The following LAMC1 variants were observed in gnomAD, a reference collection of about 807,000 sequenced individuals.
The protein encoded by LAMC1 is laminin subunit gamma-1.
In LAMC1, 38 loss-of-function variants were observed where a neutral mutation model predicts 173.6. The ratio of observed to expected loss-of-function variants is 0.22; its 90% CI spans 0.17 to 0.29. The LOEUF is 0.29. Among genes scored for constraint, LAMC1 ranks in the 10% least tolerant of loss-of-function variants. The probability of loss-of-function intolerance (pLI) is 1.00; values close to 1 mark genes in which losing one functional copy is unlikely to be tolerated. For missense variants in LAMC1, 1,824 were observed against 2,051.8 expected, an observed-to-expected ratio of 0.89 and a Z score of 2.14; for synonymous variants, 746 against 749.1, an observed-to-expected ratio of 1.00 and a Z score of 0.07.
At chr1:183,048,517 A>G (rs1654327445) in intron 1 of LAMC1, among the ~76,000 whole-genome samples, 1 of 152,240 alleles carries the variant, frequency 6.6e-6, no homozygotes, top group Non-Finnish European at 1.5e-5. Flanking sequence ...ATAAATAAGT[A>G]CAAATGTCTG....
At chr1:183,054,253 C>A (rs1400322280) in intron 1 of LAMC1, among the ~76,000 whole-genome samples, 2 of 152,166 alleles carry the variant, frequency 1.3e-5, no homozygotes, top group Non-Finnish European at 2.9e-5. Context: ...CTCAGCACAA[C>A]CCAGTGCGGA....
chr1:183,114,224 C>T (rs1479813991), intron 4 of LAMC1, among the ~76,000 whole-genome samples: 2 of 152,166 alleles, frequency 1.3e-5, no homozygotes, highest in African/African-American at 2.4e-5. Context: ...CATCTGCTAC[C>T]ACACCCGGCT....
chr1:183,114,773 G>A (rs945631387), intron 5 of LAMC1, 54 bp downstream of exon 5: 16 of 1,546,112 alleles, frequency 1.0e-5, no homozygotes, highest in Middle Eastern at 2.0e-4. Flanking sequence ...GTGGACCCCC[G>A]GAAAGGAAAG....
At chr1:183,047,774 C>T (rs1388295776) in intron 1 of LAMC1, among the ~76,000 whole-genome samples, 1 of 152,098 alleles carries the variant, frequency 6.6e-6, no homozygotes, top group African/African-American at 2.4e-5. Flanking sequence ...TGCCCAAATC[C>T]TGCCTAACTT....
chr1:183,029,048 T>A (rs1211520962), intron 1 of LAMC1, among the ~76,000 whole-genome samples: 1 of 152,318 alleles, frequency 6.6e-6, no homozygotes, highest in East Asian at 1.9e-4. Flanking sequence ...TCTCAACCGA[T>A]GTTGCCCACG....
rs1654366399 is a variant in LAMC1 at position 183,049,789 on chromosome 1, T to TA, written c.418+25658dup. Among the ~76,000 whole-genome samples, 4 of 151,404 alleles carry TA rather than the reference T, an allele frequency of 2.6e-5. No homozygotes were observed. In the South Asian group the frequency reaches 8.4e-4, roughly 32 times the overall value. On this transcript the variant is annotated intron_variant, in intron 1 of 27. Coordinates refer to ENST00000258341, the MANE Select transcript of LAMC1 (RefSeq NM_002293.4). ...AAAAGTGTCTGTTTTCTTATCTCCT[T>TA]AAATACCATACTCTCCCATTCTCAC...
At chr1:183,037,705 G>C (rs970436348) in intron 1 of LAMC1, among the ~76,000 whole-genome samples, 1 of 151,918 alleles carries the variant, frequency 6.6e-6, no homozygotes, top group African/African-American at 2.4e-5. Flanking sequence ...GAGTGTTGCC[G>C]AGCTAAGGTT....
At chr1:183,131,521 CT>C in intron 20 of LAMC1, 143 bp downstream of exon 20, 1 of 570,876 alleles carries the variant, frequency 1.8e-6, no homozygotes, top group East Asian at 2.8e-5. Context: ...ACACTTTGCT[CT>C]CTTTTCTAAG....
chr1:183,025,432 A>G (rs1653661484), intron 1 of LAMC1, among the ~76,000 whole-genome samples: 1 of 152,248 alleles, frequency 6.6e-6, no homozygotes, highest in Non-Finnish European at 1.5e-5. Context: ...TTGAGTCATT[A>G]AACAAATGAA....
At chr1:183,081,542 C>T (rs934362568) in intron 1 of LAMC1, among the ~76,000 whole-genome samples, 7 of 147,384 alleles carry the variant, frequency 4.7e-5, no homozygotes, top group East Asian at 4.0e-4. Flanking sequence ...AGCGAGACTC[C>T]GCCTCAAAAA....
At chr1:183,091,500 T>G (rs949438774) in intron 1 of LAMC1, among the ~76,000 whole-genome samples, 1 of 152,092 alleles carries the variant, frequency 6.6e-6, no homozygotes, top group African/African-American at 2.4e-5. Flanking sequence ...GCCCTTCCTC[T>G]TCCTCCTTCC....
intron 1 of LAMC1, among the ~76,000 whole-genome samples, chr1:183,095,439 C>CAGAACAAGA (rs1389380417): frequency 6.6e-6 from 1 of 152,194 alleles, no homozygotes; most frequent in Non-Finnish European, 1.5e-5. Context: ...GCTTCCCACA[C>CAGAACAAGA]AATTATGGTG....
Position 183,127,224 on chromosome 1 carries a change from A to G in LAMC1, c.2945-2A>G, listed in dbSNP as rs1198474428. ...ATGTATTATTTTCTCCTTATTCTGC[A>G]GCCTGTGACTGTCATCCTGAGGGAT... is the stretch of plus-strand genomic sequence containing the variant. On this transcript the variant is annotated splice_acceptor_variant, in intron 16 of 27. Coordinates refer to ENST00000258341, the MANE Select transcript of LAMC1 (RefSeq NM_002293.4). LOFTEE classifies it high-confidence loss of function. 6.2e-7 allele frequency: 1 copy of G among 1,613,450 alleles called. No homozygotes were observed. The highest frequency in any genetic ancestry group is 1.3e-5 in the African/African-American group (1 of 74,932).
intron 1 of LAMC1, among the ~76,000 whole-genome samples, chr1:183,099,255 A>AT (rs1655773562): frequency 6.6e-6 from 1 of 151,922 alleles, no homozygotes; most frequent in South Asian, 2.1e-4. Context: ...CGCCTGGCTA[A>AT]TTTTTTGAAT....
chr1:183,059,563 A>G (rs1654688331), intron 1 of LAMC1, among the ~76,000 whole-genome samples: 1 of 152,188 alleles, frequency 6.6e-6, no homozygotes, highest in Non-Finnish European at 1.5e-5. Context: ...ACAGGAGATA[A>G]TGGAAATGAT....
chr1:183,108,236 T>A, intron 2 of LAMC1, 40 bp from the exon 3 acceptor site: 3 of 1,595,562 alleles, frequency 1.9e-6, no homozygotes, highest in Non-Finnish European at 2.6e-6. Context: ...TTTCAGTCCC[T>A]CCACTTCTCT....
At chr1:183,098,806 C>T (rs1203722353) in intron 1 of LAMC1, among the ~76,000 whole-genome samples, 1 of 152,168 alleles carries the variant, frequency 6.6e-6, no homozygotes, top group Non-Finnish European at 1.5e-5. Flanking sequence ...AGCAAAGAGG[C>T]AGGTTTCCTT....
intron 1 of LAMC1, among the ~76,000 whole-genome samples, chr1:183,030,391 G>A (rs1653819287): frequency 6.6e-6 from 1 of 152,134 alleles, no homozygotes; most frequent in Non-Finnish European, 1.5e-5. Context: ...GGAGGCTGGA[G>A]GCATTCTGTC....
At chr1:183,047,297 A>T (rs1654290126) in intron 1 of LAMC1, among the ~76,000 whole-genome samples, 1 of 152,178 alleles carries the variant, frequency 6.6e-6, no homozygotes, top group Non-Finnish European at 1.5e-5. Flanking sequence ...TAACTCAAGG[A>T]AGCATTGATA....
Sources: gnomAD v4.1 joint callset for allele counts (sites outside exome capture counted in the v4.1 genomes callset) on GRCh38, gnomAD v4.1.1 for gene constraint, MANE v1.5 for transcripts, NCBI Gene and HGNC (gene_info 2026-07-23, HGNC 2026-07-21) for gene names.